Variants in INPP4B observed in about 807,000 individuals in gnomAD.
The protein encoded by INPP4B is inositol polyphosphate 4-phosphatase type II.
INPP4B carries 55 observed loss-of-function variants against 122.5 expected under a neutral mutation model. That is an observed-to-expected ratio of 0.45 (90% CI 0.36 to 0.56). The LOEUF (loss-of-function observed/expected upper bound fraction) is 0.56, where lower values mean the gene tolerates loss of function less well. INPP4B is among the 20% of genes least tolerant of loss of function. The pLI is 0.00. For missense variants in INPP4B, 1,000 were observed against 1,097.7 expected, an observed-to-expected ratio of 0.91 and a Z score of 1.26; for synonymous variants, 403 against 388.7, an observed-to-expected ratio of 1.04 and a Z score of -0.43.
At chr4:142,367,807 G>A (rs1187234225) in intron 7 of INPP4B, among the ~76,000 whole-genome samples, 1 of 152,166 alleles carries the variant, frequency 6.6e-6, no homozygotes, top group Non-Finnish European at 1.5e-5. Flanking sequence ...ATTGTATGCA[G>A]TTTATTTATT....
At chr4:142,644,673 G>A (rs1490427865) in intron 2 of INPP4B, among the ~76,000 whole-genome samples, 1 of 149,880 alleles carries the variant, frequency 6.7e-6, no homozygotes, top group African/African-American at 2.5e-5. Context: ...GAGGTGGGCT[G>A]GGCGGATCAC....
At chr4:142,745,868 A>G (rs557993998) in intron 1 of INPP4B, among the ~76,000 whole-genome samples, 16 of 152,066 alleles carry the variant, frequency 1.1e-4, no homozygotes, top group African/African-American at 3.9e-4. Flanking sequence ...TAAACTCATC[A>G]GAAAGATATG....
intron 7 of INPP4B, among the ~76,000 whole-genome samples, chr4:142,329,408 A>G (rs571699283): frequency 6.6e-6 from 1 of 152,358 alleles, no homozygotes; most frequent in South Asian, 2.1e-4. Context: ...GTTGGGTGGA[A>G]GAAAGGCAGG....
At chr4:142,260,323 T>C (rs1285235511) in intron 11 of INPP4B, among the ~76,000 whole-genome samples, 169 bp downstream of exon 11, 1 of 152,154 alleles carries the variant, frequency 6.6e-6, no homozygotes, top group East Asian at 1.9e-4. Flanking sequence ...ACATTTATCT[T>C]TCCTGTGGAA....
At chr4:142,837,411 A>G (rs184101084) in intron 1 of INPP4B, among the ~76,000 whole-genome samples, 95 of 152,266 alleles carry the variant, frequency 6.2e-4, no homozygotes, top group African/African-American at 2.2e-3. Context: ...AGTAAAATCA[A>G]TCTTGGTCCA....
At chr4:142,666,291 T>C (rs1023993347) in intron 2 of INPP4B, among the ~76,000 whole-genome samples, 66 of 152,128 alleles carry the variant, frequency 4.3e-4, no homozygotes, top group Non-Finnish European at 1.6e-4. Flanking sequence ...AAAATGTATA[T>C]ATAATTTTAG....
intron 4 of INPP4B, among the ~76,000 whole-genome samples, chr4:142,430,037 A>G (rs1380545182): frequency 6.6e-6 from 1 of 152,148 alleles, no homozygotes; most frequent in Non-Finnish European, 1.5e-5. Flanking sequence ...CTATTTGGCA[A>G]TAAATGAAAG....
At chr4:142,530,535 A>T (rs1827467610) in intron 2 of INPP4B, among the ~76,000 whole-genome samples, 2 of 126,230 alleles carry the variant, frequency 1.6e-5, no homozygotes, top group Admixed American at 1.9e-4. Context: ...AGTGATATAC[A>T]TATATATGTG....
intron 2 of INPP4B, among the ~76,000 whole-genome samples, chr4:142,644,022 G>A (rs963322986): frequency 2.0e-5 from 3 of 151,966 alleles, no homozygotes; most frequent in Non-Finnish European, 2.9e-5. Flanking sequence ...GCAACATTGC[G>A]TGATCCCATT....
chr4:142,105,906 A>G (rs561233869), intron 23 of INPP4B, among the ~76,000 whole-genome samples: 1 of 152,252 alleles, frequency 6.6e-6, no homozygotes, highest in South Asian at 2.1e-4. Flanking sequence ...CCTAACCTCT[A>G]CTCATACTCT....
rs1560862786 is a variant in INPP4B, at chr4:142,028,780, A to ACTT, written c.2774_*1dup. On this transcript the variant is annotated 3_prime_UTR_variant, in exon 26 of 26. Transcript: ENST00000262992. ...TTCCTGTTTATTAACATGTTGGTAA[A>ACTT]CTTAGGTGTCAGCTTTTCCATAAGT... 1.2e-6 allele frequency: 2 copies of ACTT among 1,608,738 alleles called. No individual in the cohort carries two copies. The highest frequency in any genetic ancestry group is 1.7e-6 in the Non-Finnish European group (2 of 1,178,338).
At chr4:142,804,088 A>AATAAATAAATAAATAAATAT (rs1554013065) in intron 1 of INPP4B, among the ~76,000 whole-genome samples, 8 of 151,134 alleles carry the variant, frequency 5.3e-5, no homozygotes, top group African/African-American at 1.9e-4. Context: ...TAAATAAATA[A>AATAAATAAATAAATAAATAT]ATAAATAAAT....
intron 23 of INPP4B, among the ~76,000 whole-genome samples, chr4:142,101,993 A>G (rs1784664297): frequency 6.6e-6 from 1 of 152,050 alleles, no homozygotes; most frequent in African/African-American, 2.4e-5. Context: ...TCCACATTGT[A>G]CTTAGAGTAA....
intron 1 of INPP4B, among the ~76,000 whole-genome samples, chr4:142,822,940 G>T (rs1780973538): frequency 6.6e-6 from 1 of 152,116 alleles, no homozygotes; most frequent in Non-Finnish European, 1.5e-5. Flanking sequence ...TCATGCGTTG[G>T]CTCCAGGACC....
At chr4:142,239,137 T>C (rs1433630281) in intron 11 of INPP4B, among the ~76,000 whole-genome samples, 1 of 152,154 alleles carries the variant, frequency 6.6e-6, no homozygotes, top group Non-Finnish European at 1.5e-5. Context: ...AAATATATCT[T>C]CTTGAACACT....
chr4:142,091,745 C>T (rs150941079), intron 23 of INPP4B, among the ~76,000 whole-genome samples: 41 of 152,290 alleles, frequency 2.7e-4, no homozygotes, highest in African/African-American at 6.5e-4. Context: ...CTGACTTTGA[C>T]GACCTGAATC....
chr4:142,563,208 T>A (rs1043598192), intron 2 of INPP4B, among the ~76,000 whole-genome samples: 2 of 152,092 alleles, frequency 1.3e-5, no homozygotes, highest in African/African-American at 4.8e-5. Flanking sequence ...AAAATCAAGG[T>A]TACAAAAATG....
At chr4:142,677,382 T>C (rs936732222) in intron 2 of INPP4B, among the ~76,000 whole-genome samples, 4 of 152,160 alleles carry the variant, frequency 2.6e-5, no homozygotes, top group Non-Finnish European at 5.9e-5. Context: ...GGAACGCTTT[T>C]ATACTGTTGG....
chr4:142,347,074 G>C (rs562289627), intron 7 of INPP4B, among the ~76,000 whole-genome samples: 1 of 152,082 alleles, frequency 6.6e-6, no homozygotes, highest in East Asian at 1.9e-4. Context: ...TGTTGTGTTG[G>C]GATGCCTAGA....
Sources: gnomAD v4.1 joint callset for allele counts (sites outside exome capture counted in the v4.1 genomes callset) on GRCh38, gnomAD v4.1.1 for gene constraint, MANE v1.5 for transcripts, NCBI Gene and HGNC (gene_info 2026-07-23, HGNC 2026-07-21) for gene names.